The following GRIN3A variants were observed in gnomAD, a reference collection of about 807,000 sequenced individuals.
GRIN3A encodes the protein glutamate ionotropic receptor NMDA type subunit 3A, also known as glutamate receptor ionotropic, NMDA 3A.
In GRIN3A, 47 loss-of-function variants were observed where a neutral mutation model predicts 92.4. The observed-to-expected ratio is 0.51, with a 90% confidence interval of 0.40 to 0.65. The LOEUF (loss-of-function observed/expected upper bound fraction) is 0.65. Among genes scored for constraint, GRIN3A ranks in the 30% least tolerant of loss-of-function variants. GRIN3A has a pLI of 0.00. For synonymous variants in GRIN3A, 527 were observed against 540.6 expected, an observed-to-expected ratio of 0.97 and a Z score of 0.35; for missense variants, 1,324 against 1,393.1, an observed-to-expected ratio of 0.95 and a Z score of 0.79.
intron 1 of GRIN3A, among the ~76,000 whole-genome samples, chr9:101,699,920 G>A (rs1829733112): frequency 1.3e-5 from 2 of 152,042 alleles, no homozygotes. Flanking sequence ...AACTTGCTTT[G>A]CCTCTTTTTT....
At chr9:101,707,381 G>T (rs900577989) in intron 1 of GRIN3A, among the ~76,000 whole-genome samples, 1 of 152,142 alleles carries the variant, frequency 6.6e-6, no homozygotes, top group African/African-American at 2.4e-5. Context: ...ACTCGGAAAA[G>T]CATCCATTTG....
chr9:101,737,517 C>T lies in GRIN3A; in HGVS notation c.463G>A (p.Glu155Lys), dbSNP rs1830225926. ...AGTGGCAGATCGCCCAGGCCTGCCT[C>T]GATGGCCATCACTACTTCCAAAGAC... ...NLSLEVVMAI[E>K]AGLGDLPLLP... The change falls in exon 1 of 9, where the codon GAG becomes AAG. Residue 155 changes from glutamate (E) to lysine (K), a missense_variant. Transcript: ENST00000361820. 6.2e-7 allele frequency: 1 copy of T among 1,614,248 alleles called. No homozygotes were observed. Among genetic ancestry groups the T allele is most frequent in the Non-Finnish European group, 8.5e-7 (1 of 1,180,046 alleles).
intron 1 of GRIN3A, among the ~76,000 whole-genome samples, chr9:101,706,137 A>G (rs1829814417): frequency 6.6e-6 from 1 of 152,232 alleles, no homozygotes; most frequent in Non-Finnish European, 1.5e-5. Context: ...TGAGATGGAA[A>G]TGATTTAATG....
At chr9:101,616,488 G>A (rs1232672369) in intron 5 of GRIN3A, among the ~76,000 whole-genome samples, 1 of 151,896 alleles carries the variant, frequency 6.6e-6, no homozygotes, top group African/African-American at 2.4e-5. Context: ...TTTTGACGTT[G>A]TCATCATTTT....
chr9:101,714,012 G>A (rs1829913140), intron 1 of GRIN3A, among the ~76,000 whole-genome samples: 1 of 152,174 alleles, frequency 6.6e-6, no homozygotes, highest in South Asian at 2.1e-4. Context: ...GTGCAACAGA[G>A]TAAGATCCTG....
At position 101,738,152 on chromosome 9, in the gene GRIN3A, C is replaced by T. The variant is rs1280372254; in HGVS notation, c.-173G>A. The T allele has an allele frequency of 3.0e-6, 2 of 676,712 alleles. No homozygotes were observed. Among genetic ancestry groups the T allele is most frequent in the Non-Finnish European group, 5.3e-6 (2 of 376,880 alleles). The allele number at this position is 676,712 out of a possible 1,614,324, so 41.9% of individuals were successfully genotyped here. The stretch of plus-strand genomic sequence containing the variant: ...CCATGCAAGTTGGAGCGTAGCGCGC[C>T]TCCGGCAGTCTCAGATCCCGCTCCC... On this transcript the variant is annotated 5_prime_UTR_variant, in exon 1 of 9. Transcript: ENST00000361820.
chr9:101,654,471 T>G (rs1435855193), intron 3 of GRIN3A, among the ~76,000 whole-genome samples: 1 of 151,680 alleles, frequency 6.6e-6, no homozygotes, highest in Non-Finnish European at 1.5e-5. Flanking sequence ...TTTACATACA[T>G]ATTTCTTGTT....
intron 5 of GRIN3A, among the ~76,000 whole-genome samples, chr9:101,619,653 C>T (rs2118862991): frequency 6.6e-6 from 1 of 152,280 alleles, no homozygotes; most frequent in East Asian, 1.9e-4. Context: ...TACTCAGACT[C>T]CAGAGCCAGT....
At chr9:101,737,164 A>G (rs1830218351) in intron 1 of GRIN3A, 117 bp downstream of exon 1, 3 of 813,534 alleles carry the variant, frequency 3.7e-6, no homozygotes, top group Non-Finnish European at 6.3e-6. Context: ...AAGCAATATC[A>G]AAGTTATAAA....
At chr9:101,598,455 G>C (rs1274752333) in intron 6 of GRIN3A, among the ~76,000 whole-genome samples, 1 of 152,156 alleles carries the variant, frequency 6.6e-6, no homozygotes, top group African/African-American at 2.4e-5. Flanking sequence ...TTATAAGGTA[G>C]AAAGGATTTA....
rs200847939 is a variant in GRIN3A, at chr9:101,577,839, T to C, written c.2937A>G (p.Leu979=). The C allele has an allele frequency of 5.5e-5, 89 of 1,609,644 alleles. No homozygotes were observed. Among genetic ancestry groups the C allele is most frequent in the Middle Eastern group, 1.6e-4 (1 of 6,070 alleles). The part of the protein sequence containing the change: ...LQYWLHTSQR[L]HRAINTSFIE... ...TAAATGATGTATTTATTGCTCTGTG[T>C]AATCTCTGATGGAGAAAACAGATTC... The change falls in exon 8 of 9, where the codon TTA becomes TTG. Residue 979 remains leucine (L), a synonymous_variant. Coordinates refer to ENST00000361820, the MANE Select transcript of GRIN3A (RefSeq NM_133445.3).
chr9:101,731,821 C>T (rs1228488520), intron 1 of GRIN3A, among the ~76,000 whole-genome samples: 4 of 152,178 alleles, frequency 2.6e-5, no homozygotes, highest in Non-Finnish European at 5.9e-5. Context: ...ACCTCTTCCC[C>T]ATTGCTCTTT....
At chr9:101,671,662 C>G (rs989568803) in intron 2 of GRIN3A, among the ~76,000 whole-genome samples, 1 of 152,126 alleles carries the variant, frequency 6.6e-6, no homozygotes. Context: ...ACCAATGTTT[C>G]TTCTTGTGGA....
chr9:101,600,619 T>A (rs980555228), intron 6 of GRIN3A, among the ~76,000 whole-genome samples: 4 of 152,052 alleles, frequency 2.6e-5, no homozygotes, highest in Admixed American at 2.6e-4. Context: ...TGGGAAGGAA[T>A]GAGTGTTCCA....
intron 2 of GRIN3A, among the ~76,000 whole-genome samples, chr9:101,673,770 G>T (rs1372799441): frequency 6.6e-6 from 1 of 151,956 alleles, no homozygotes; most frequent in Non-Finnish European, 1.5e-5. Context: ...ACAAACTCCT[G>T]GGCACTCTTC....
chr9:101,706,276 C>T (rs1829815672), intron 1 of GRIN3A, among the ~76,000 whole-genome samples: 1 of 152,158 alleles, frequency 6.6e-6, no homozygotes. Flanking sequence ...ATGACCTTTC[C>T]ACTTCCTGCA....
chr9:101,679,846 C>T (rs2506349), intron 2 of GRIN3A, among the ~76,000 whole-genome samples: 31,867 of 152,066 alleles, frequency 0.21, 3,823 homozygotes, highest in East Asian at 0.56. Context: ...TGTTGAAATA[C>T]GTGGGTTAAC....
intron 8 of GRIN3A, among the ~76,000 whole-genome samples, chr9:101,576,882 G>A (rs1011443514): frequency 1.3e-5 from 2 of 152,150 alleles, no homozygotes; most frequent in African/African-American, 2.4e-5. Context: ...CAAACAAAAA[G>A]AATCCTGTTT....
At chr9:101,702,280 TGACA>T (rs1218970499) in intron 1 of GRIN3A, among the ~76,000 whole-genome samples, 1 of 152,196 alleles carries the variant, frequency 6.6e-6, no homozygotes, top group Non-Finnish European at 1.5e-5. Flanking sequence ...TCAGCCTGGT[TGACA>T]GAGTGAGACT....
Sources: allele counts gnomAD v4.1 joint callset (sites outside exome capture counted in the v4.1 genomes callset), GRCh38; gene constraint gnomAD v4.1.1; transcripts MANE v1.5; gene names NCBI Gene and HGNC (gene_info 2026-07-23, HGNC 2026-07-21).